Variants in PLEKHA8 observed in about 807,000 individuals in gnomAD.
PLEKHA8 encodes pleckstrin homology domain containing A8, also known as pleckstrin homology domain-containing family A member 8.
Under a neutral mutation model 68.2 loss-of-function variants are expected in PLEKHA8, and 36 were observed. That is an observed-to-expected ratio of 0.53 (90% CI 0.40 to 0.70). The LOEUF is 0.70. PLEKHA8 is among the 30% of genes least tolerant of loss of function. The pLI is 0.00. For synonymous variants in PLEKHA8, 211 were observed against 216.1 expected, an observed-to-expected ratio of 0.98 and a Z score of 0.20; for missense variants, 505 against 615.4, an observed-to-expected ratio of 0.82 and a Z score of 1.90.
chr7:30,042,940 A>G (rs2127968709), intron 1 of PLEKHA8, among the ~76,000 whole-genome samples: 1 of 152,372 alleles, frequency 6.6e-6, no homozygotes, highest in East Asian at 1.9e-4. Flanking sequence ...ATGTTTGTAC[A>G]GGAGTGGTGG....
intron 1 of PLEKHA8, 53 bp from the exon 2 acceptor site, chr7:30,045,032 G>A (rs1324586988): frequency 1.1e-5 from 14 of 1,247,524 alleles, no homozygotes; most frequent in Non-Finnish European, 1.6e-5. Context: ...TATCTTGGGA[G>A]GTAGTTCATA....
chr7:30,107,886 T>C (rs1031222312), intron 13 of PLEKHA8, among the ~76,000 whole-genome samples: 3 of 152,024 alleles, frequency 2.0e-5, no homozygotes, highest in Non-Finnish European at 4.4e-5. Context: ...CTGACCAACA[T>C]GGAGAAATCC....
At chr7:30,055,991 G>T (rs969235415) in intron 9 of PLEKHA8, among the ~76,000 whole-genome samples, 6 of 143,150 alleles carry the variant, frequency 4.2e-5, no homozygotes, top group African/African-American at 1.5e-4. Flanking sequence ...CACCCAGGCT[G>T]CAGTGCAGTG....
At chr7:30,041,008 A>G (rs1415657115) in intron 1 of PLEKHA8, among the ~76,000 whole-genome samples, 1 of 152,222 alleles carries the variant, frequency 6.6e-6, no homozygotes, top group African/African-American at 2.4e-5. Context: ...CATTTCTGAG[A>G]TAACTGCAGA....
At chr7:30,090,415 C>A in exon 13 of PLEKHA8, 1 of 469,748 alleles carries the variant, frequency 2.1e-6, no homozygotes, top group Non-Finnish European at 3.8e-6. Flanking sequence ...CAGGTAAGAA[C>A]TCAGAACATA....
chr7:30,039,517 A>G (rs747057890), intron 1 of PLEKHA8, among the ~76,000 whole-genome samples: 2 of 152,234 alleles, frequency 1.3e-5, no homozygotes, highest in Admixed American at 6.5e-5. Flanking sequence ...CTCTGTCTCA[A>G]AGTAAACTAA....
At chr7:30,115,726 A>G (rs1217132005) in intron 13 of PLEKHA8, 2 of 116,600 alleles carry the variant, frequency 1.7e-5, no homozygotes, top group African/African-American at 6.3e-5. Context: ...GCATGCATGC[A>G]TACACGTATA....
intron 13 of PLEKHA8, among the ~76,000 whole-genome samples, chr7:30,076,936 C>T (rs1290116727): frequency 6.6e-6 from 1 of 152,172 alleles, no homozygotes; most frequent in Non-Finnish European, 1.5e-5. Context: ...AATCTTTCAG[C>T]AGTTATACTC....
At chr7:30,104,511 T>G (rs895547262) in intron 13 of PLEKHA8, among the ~76,000 whole-genome samples, 2 of 152,114 alleles carry the variant, frequency 1.3e-5, no homozygotes, top group African/African-American at 2.4e-5. Context: ...AGAAAACTAC[T>G]GATAGACAAT....
rs1333062695 is a variant in PLEKHA8, at chr7:30,074,053, G to A, written c.1301-18G>A. 3.7e-6 allele frequency: 6 copies of A among 1,602,210 alleles called. No individual in the cohort carries two copies. Among genetic ancestry groups the A allele is most frequent in the Non-Finnish European group, 5.1e-6 (6 of 1,172,214 alleles). ...TTCTGATGAAAGTGTTCCTCATGGA[G>A]TTTTTCTTCTTTTCAAGATAATGCA... On this transcript the variant is annotated intron_variant, in intron 12 of 13. Transcript: ENST00000449726.
chr7:30,110,367 T>A (rs1333658379), intron 13 of PLEKHA8, among the ~76,000 whole-genome samples: 1 of 152,270 alleles, frequency 6.6e-6, no homozygotes, highest in East Asian at 1.9e-4. Context: ...TTTATATTGC[T>A]GAATAGTATT....
At chr7:30,101,334 A>G (rs1261824546) in intron 13 of PLEKHA8, among the ~76,000 whole-genome samples, 1 of 152,222 alleles carries the variant, frequency 6.6e-6, no homozygotes, top group African/African-American at 2.4e-5. Flanking sequence ...AAAATACCAT[A>G]GACCGGGTAG....
chr7:30,046,164 G>A, intron 2 of PLEKHA8, 46 bp from the exon 3 acceptor site: 1 of 1,495,122 alleles, frequency 6.7e-7, no homozygotes, highest in Non-Finnish European at 8.9e-7. Flanking sequence ...AGGCTACCCA[G>A]ACAGGGCTCT....
chr7:30,129,241 C>T, intron 13 of PLEKHA8: 1 of 1,612,824 alleles, frequency 6.2e-7, no homozygotes, highest in Non-Finnish European at 8.5e-7. Context: ...GTTCCTCTGT[C>T]CTTCCCTCTT....
At chr7:30,085,239 C>T (rs534542923), downstream of PLEKHA8, among the ~76,000 whole-genome samples, 1 of 152,138 alleles carries the variant, frequency 6.6e-6, no homozygotes, top group South Asian at 2.1e-4. Context: ...TGCCCAGCCC[C>T]AAGCTCCAAA....
At chr7:30,130,279 G>T (rs762263180), downstream of PLEKHA8, 4 of 152,204 alleles carry the variant, frequency 2.6e-5, no homozygotes, top group Admixed American at 6.5e-5. Flanking sequence ...TGACCTTAAA[G>T]TCTGTGTTAG....
chr7:30,056,133 C>T (rs1207258834), intron 9 of PLEKHA8, among the ~76,000 whole-genome samples: 2 of 150,332 alleles, frequency 1.3e-5, no homozygotes, highest in Non-Finnish European at 3.0e-5. Flanking sequence ...TTAGTAGAGA[C>T]AGGGTTTCAC....
rs1795012289 is a variant in PLEKHA8 at position 30,082,884 on chromosome 7, A to G, written c.*4097A>G. 2.0e-6 allele frequency: 2 copies of G among 985,244 alleles called. No homozygotes were observed. Among genetic ancestry groups the G allele is most frequent in the Non-Finnish European group, 2.4e-6 (2 of 829,912 alleles). The allele number at this position is 985,244 out of a possible 1,614,324, so 61.0% of individuals were successfully genotyped here. A position where few individuals can be genotyped will look rare whatever the true frequency, so the allele number is the denominator to read the frequency against. Reference sequence around the variant, plus strand: ...TTGGGGAGCTTCCTGGAGGAAAATTAAGTTTTTTTCCTAGCAAACTACCAT... The same window carrying G: ...TTGGGGAGCTTCCTGGAGGAAAATTGAGTTTTTTTCCTAGCAAACTACCAT... On this transcript the variant is annotated 3_prime_UTR_variant, in exon 14 of 14. Coordinates refer to ENST00000449726, the MANE Select transcript of PLEKHA8 (RefSeq NM_001197026.2).
At chr7:30,052,968 G>A (rs1381130265) in intron 7 of PLEKHA8, 102 bp downstream of exon 7, 1 of 937,882 alleles carries the variant, frequency 1.1e-6, no homozygotes. Context: ...AGACCATGTA[G>A]TAGTGTCTGC....
Sources: gnomAD v4.1 joint callset for allele counts (sites outside exome capture counted in the v4.1 genomes callset) on GRCh38, gnomAD v4.1.1 for gene constraint, MANE v1.5 for transcripts, NCBI Gene and HGNC (gene_info 2026-07-23, HGNC 2026-07-21) for gene names.